TTC8: variants seen among roughly 807,000 people sequenced by gnomAD.
TTC8 encodes the protein tetratricopeptide repeat domain 8.
Under a neutral mutation model 72.5 loss-of-function variants are expected in TTC8, and 47 were observed. The ratio of observed to expected loss-of-function variants is 0.65; its 90% CI spans 0.51 to 0.83. The LOEUF is 0.83. Ranked by LOEUF, TTC8 falls within the 40% of genes least tolerant of loss-of-function variation. The probability of loss-of-function intolerance (pLI) is 0.00; values close to 1 mark genes in which losing one functional copy is unlikely to be tolerated. For synonymous variants in TTC8, 199 were observed against 221.4 expected, an observed-to-expected ratio of 0.90 and a Z score of 0.90; for missense variants, 611 against 623.2, an observed-to-expected ratio of 0.98 and a Z score of 0.21.
chr14:88,829,874 T>C (rs897249820), intron 1 of TTC8, among the ~76,000 whole-genome samples: 1 of 152,172 alleles, frequency 6.6e-6, no homozygotes, highest in African/African-American at 2.4e-5. Context: ...AAAGAACATA[T>C]CGTGTGATTA....
intron 13 of TTC8, among the ~76,000 whole-genome samples, chr14:88,872,775 G>A (rs115050785): frequency 1.4e-4 from 22 of 152,138 alleles, no homozygotes; most frequent in African/African-American, 4.8e-4. Context: ...GAGCCACCCC[G>A]AAACTTCTCT....
At chr14:88,839,756 A>G (rs147269516) in intron 3 of TTC8, among the ~76,000 whole-genome samples, 184 bp downstream of exon 3, 2 of 152,302 alleles carry the variant, frequency 1.3e-5, no homozygotes, top group African/African-American at 2.4e-5. Context: ...CTTATGGTAC[A>G]AAGGCTTTTT....
At chr14:88,867,749 A>G (rs1384316513) in intron 10 of TTC8, among the ~76,000 whole-genome samples, 4 of 152,238 alleles carry the variant, frequency 2.6e-5, no homozygotes, top group Admixed American at 6.5e-5. Context: ...TAAGTATACA[A>G]GTATTCAAAA....
Position 88,833,742 on chromosome 14 carries a change from C to T in TTC8, c.144+20C>T. On this transcript the variant is annotated intron_variant, in intron 2 of 14. Coordinates refer to ENST00000380656, the MANE Select transcript of TTC8 (RefSeq NM_144596.4). ...CATCAGGTAAAGAAAGGTTTAGCTG[C>T]AACCTTTAGTTTAGAGAATTCTTTA... The T allele has an allele frequency of 6.2e-7, 1 of 1,610,072 alleles. No individual in the cohort carries two copies. Among genetic ancestry groups the T allele is most frequent in the East Asian group, 2.2e-5 (1 of 44,798 alleles).
chr14:88,871,673 A>G lies in TTC8; in HGVS notation c.1174A>G (p.Asn392Asp). 1.2e-6 allele frequency: 2 copies of G among 1,614,146 alleles called. No individual in the cohort carries two copies. Among genetic ancestry groups the G allele is most frequent in the South Asian group, 1.1e-5 (1 of 91,082 alleles). ...SFERALSLAENEEEAADVWYN... is the reference protein window; with the variant it reads ...SFERALSLAEDEEEAADVWYN... Reference sequence around the variant, plus strand: ...TGAACGTGCCCTTTCTTTGGCTGAAAATGAAGAAGAGGCAGCTGATGTCTG... The same window carrying G: ...TGAACGTGCCCTTTCTTTGGCTGAAGATGAAGAAGAGGCAGCTGATGTCTG... Residue 392 changes from asparagine (N) to aspartate (D), a missense_variant, in exon 12 of 15, where the codon AAT (asparagine) becomes GAT (aspartate). Transcript: ENST00000380656. This position sits in a 1 kb window ranked among gnomAD's most constrained non-coding sequence, Gnocchi z 4.1.
At chr14:88,853,720 T>G (rs1165169216) in intron 8 of TTC8, among the ~76,000 whole-genome samples, 1 of 152,214 alleles carries the variant, frequency 6.6e-6, no homozygotes, top group Non-Finnish European at 1.5e-5. Context: ...TCTTAATGTT[T>G]CAATGTATTT....
downstream of TTC8, chr14:88,878,880 T>C (rs2094965884): frequency 1.3e-5 from 2 of 152,210 alleles, no homozygotes; most frequent in Non-Finnish European, 1.5e-5. Flanking sequence ...ATTTTACTTA[T>C]GAGAATACTG....
In TTC8 at chr14:88,832,294, C is replaced by G. The variant is rs547411264; in HGVS notation, c.115-1399C>G. On this transcript the variant is annotated intron_variant, in intron 1 of 14. Coordinates refer to ENST00000380656, the MANE Select transcript of TTC8 (RefSeq NM_144596.4). Reference sequence around the variant, plus strand: ...TGTGTCACTGGAGGAATCTACCTGCCCTTGGCAAATCACAGCATCCAGTAT... The same window carrying G: ...TGTGTCACTGGAGGAATCTACCTGCGCTTGGCAAATCACAGCATCCAGTAT... Among the ~76,000 whole-genome samples, 5 of 152,298 alleles carry G rather than the reference C, an allele frequency of 3.3e-5. No homozygotes were observed. The East Asian group carries it at 7.7e-4, about 23-fold the overall frequency.
chr14:88,855,056 T>C lies in TTC8; in HGVS notation c.710+2000T>C, dbSNP rs565389629. Among the ~76,000 whole-genome samples, 5 of 152,304 alleles carry C rather than the reference T, an allele frequency of 3.3e-5. No individual in the cohort carries two copies. In the East Asian group the frequency reaches 9.6e-4, roughly 29 times the overall value. On this transcript the variant is annotated intron_variant, in intron 8 of 14. Coordinates refer to ENST00000380656, the MANE Select transcript of TTC8 (RefSeq NM_144596.4). The stretch of plus-strand genomic sequence containing the variant: ...TTCCCTAACATGCTGTTTACTTTAC[T>C]GCCTATGTACTTACGTTCATGGTTT...
intron 2 of TTC8, among the ~76,000 whole-genome samples, chr14:88,834,892 A>G (rs1476064410): frequency 6.6e-6 from 1 of 152,204 alleles, no homozygotes; most frequent in Admixed American, 6.5e-5. Flanking sequence ...CTCATGAAAA[A>G]TCTGTATTTG....
rs58210253 is a variant in TTC8, at chr14:88,848,123, C to CAAA, written c.624+4297_624+4299dup. Among the ~76,000 whole-genome samples the CAAA allele has an allele frequency of 5.4e-3, 96 of 17,662 alleles. 7 individuals carry two copies. Among genetic ancestry groups the CAAA allele is most frequent in the East Asian group, 0.019 (15 of 798 alleles). The allele number at this position is 17,662 out of a possible 152,430, so 11.6% of individuals were successfully genotyped here. A position where few individuals can be genotyped will look rare whatever the true frequency, so the allele number is the denominator to read the frequency against. On this transcript the variant is annotated intron_variant, in intron 7 of 14. Transcript: ENST00000380656. ...GGGCGACAAGAGCGAAACTCTGTCT[C>CAAA]AAAAAAAAAAAAAAAAAAAAAAAAA... is the stretch of plus-strand genomic sequence containing the variant.
intron 1 of TTC8, among the ~76,000 whole-genome samples, chr14:88,827,264 C>T (rs2094705657): frequency 6.6e-6 from 1 of 151,996 alleles, no homozygotes; most frequent in African/African-American, 2.4e-5. Context: ...ATCCCTTATC[C>T]GAAAAGCTTG....
intron 10 of TTC8, among the ~76,000 whole-genome samples, chr14:88,866,382 AACACACACACACACACAC>A (rs10553603): frequency 2.7e-5 from 4 of 146,574 alleles, no homozygotes; most frequent in African/African-American, 1.0e-4. Context: ...GGGAGATTTA[AACACACACACACACACAC>A]ACACACACAC....
At chr14:88,842,818 TG>T (rs2094787995) in intron 6 of TTC8, among the ~76,000 whole-genome samples, 1 of 152,180 alleles carries the variant, frequency 6.6e-6, no homozygotes, top group African/African-American at 2.4e-5. Flanking sequence ...GCATATTGCT[TG>T]GGGTGTCTAG....
At chr14:88,845,828 A>G (rs1162803536) in intron 7 of TTC8, among the ~76,000 whole-genome samples, 1 of 152,228 alleles carries the variant, frequency 6.6e-6, no homozygotes, top group Non-Finnish European at 1.5e-5. Context: ...AAACAGACAG[A>G]CAAAGTCTCT....
At position 88,834,571 on chromosome 14, in the gene TTC8, G is replaced by T. The variant is rs2094741427; in HGVS notation, c.144+849G>T. Among the ~76,000 whole-genome samples, 5 of 152,272 alleles carry T rather than the reference G, an allele frequency of 3.3e-5. No homozygotes were observed. The South Asian group carries it at 1.0e-3, about 32-fold the overall frequency. ...GCAATTTACAAAGTACTCTTATGGAGGCTTGTGTAGTATTAAACACACACT... is the reference window on the plus strand; with the variant it reads ...GCAATTTACAAAGTACTCTTATGGATGCTTGTGTAGTATTAAACACACACT... On this transcript the variant is annotated intron_variant, in intron 2 of 14. Transcript: ENST00000380656.
At chr14:88,875,436 A>C (rs548486407) in intron 14 of TTC8, among the ~76,000 whole-genome samples, 1 of 152,304 alleles carries the variant, frequency 6.6e-6, no homozygotes, top group East Asian at 1.9e-4. Context: ...TTACAGCAAC[A>C]AAATCCTGTG....
chr14:88,841,970 C>T (rs1476908212), intron 6 of TTC8, among the ~76,000 whole-genome samples: 1 of 151,972 alleles, frequency 6.6e-6, no homozygotes, highest in Non-Finnish European at 1.5e-5. Context: ...TTACTGAAAC[C>T]ACATAGTGGC....
chr14:88,877,544 C>T lies in TTC8; in HGVS notation c.*134C>T, dbSNP rs978166919. On this transcript the variant is annotated 3_prime_UTR_variant, in exon 15 of 15. Transcript: ENST00000380656. Reference sequence around the variant, plus strand: ...CTGTCCTTGATATTAGTTAAGGTGACACATAAGGGTGACACAGAATGTGTA... The same window carrying T: ...CTGTCCTTGATATTAGTTAAGGTGATACATAAGGGTGACACAGAATGTGTA... 2 of 737,086 alleles carry T rather than the reference C, an allele frequency of 2.7e-6. No homozygotes were observed. The highest frequency in any genetic ancestry group is 3.5e-5 in the African/African-American group (2 of 57,760). The allele number at this position is 737,086 out of a possible 1,614,324, so 45.7% of individuals were successfully genotyped here. A position where few individuals can be genotyped will look rare whatever the true frequency, so the allele number is the denominator to read the frequency against.
Sources: gnomAD v4.1 joint callset for allele counts (sites outside exome capture counted in the v4.1 genomes callset) on GRCh38, gnomAD v4.1.1 for gene constraint, Gnocchi (gnomAD v3.1) non-coding constraint, MANE v1.5 for transcripts, NCBI Gene and HGNC (gene_info 2026-07-23, HGNC 2026-07-21) for gene names.